SLC25A25: variants seen among roughly 807,000 people sequenced by gnomAD.
SLC25A25 encodes the protein solute carrier family 25 member 25.
In SLC25A25, 32 loss-of-function variants were observed where a neutral mutation model predicts 57.7. That is an observed-to-expected ratio of 0.55 (90% confidence interval 0.42 to 0.74). The LOEUF (loss-of-function observed/expected upper bound fraction) is 0.74. Among genes scored for constraint, SLC25A25 ranks in the 30% least tolerant of loss-of-function variants. SLC25A25 has a pLI of 0.00. For synonymous variants in SLC25A25, 306 were observed against 291.2 expected (o/e 1.05, Z -0.52); for missense variants, 556 against 701.3 (o/e 0.79, Z 2.34).
Position 128,107,703 on chromosome 9 carries a change from A to G in SLC25A25, c.*259A>G, listed in dbSNP as rs1408933125. The G allele has an allele frequency of 7.0e-6, 3 of 429,570 alleles. No individual in the cohort carries two copies. The highest frequency in any genetic ancestry group is 8.8e-5 in the South Asian group (1 of 11,370). 26.6% of individuals were successfully genotyped at this position (429,570 alleles called of 1,614,324 possible). A position where few individuals can be genotyped will look rare whatever the true frequency, so the allele number is the denominator to read the frequency against. On this transcript the variant is annotated 3_prime_UTR_variant, in exon 11 of 11. Coordinates refer to ENST00000373069, the MANE Select transcript of SLC25A25 (RefSeq NM_001330988.2). Reference sequence around the variant, plus strand: ...CAGGGTCAGCAGGCTCCGGGCTCACATGTGTAAGGACAGGACATTTTCTGC... The same window carrying G: ...CAGGGTCAGCAGGCTCCGGGCTCACGTGTGTAAGGACAGGACATTTTCTGC...
intron 1 of SLC25A25, among the ~76,000 whole-genome samples, chr9:128,079,604 A>G (rs1270503564): frequency 1.2e-5 from 1 of 81,106 alleles, no homozygotes; most frequent in Non-Finnish European, 2.3e-5. Context: ...CTAAAAATAC[A>G]AAAAAAAAAA....
intron 1 of SLC25A25, among the ~76,000 whole-genome samples, chr9:128,075,849 GA>G (rs1003409203): frequency 6.6e-6 from 1 of 151,040 alleles, no homozygotes; most frequent in African/African-American, 2.4e-5. Flanking sequence ...GTCTCAAAAA[GA>G]AAAAAAACAA....
rs1222292239 is a variant in SLC25A25, at chr9:128,103,079, C to T, written c.624+598C>T. On this transcript the variant is annotated intron_variant, in intron 5 of 10. Transcript: ENST00000373069. The surrounding 1 kb of genome is among the most constrained non-coding windows in gnomAD (Gnocchi z 6.7). ...GGAGGCCAGAGGCGCTCCTCATCTG[C>T]CTCTCGCAGTGCCAGGCCAGGGCTT... Among the ~76,000 whole-genome samples, 1 of 152,188 alleles carries T rather than the reference C, an allele frequency of 6.6e-6. No homozygotes were observed. The highest frequency in any genetic ancestry group is 2.4e-5 in the African/African-American group (1 of 41,458).
At chr9:128,098,797 C>A (rs1833659979) in intron 1 of SLC25A25, 2 of 1,568,938 alleles carry the variant, frequency 1.3e-6, no homozygotes, top group African/African-American at 2.7e-5. Context: ...GCTGAGCATG[C>A]ATGAACCATC....
chr9:128,099,160 A>G lies in SLC25A25; in HGVS notation c.262-1936A>G. ...CCTCCCGCCTTCTCGACTCTCAGAC[A>G]TCGCTGTGGAACAGGGCCTGTGTCT... On this transcript the variant is annotated intron_variant, in intron 1 of 10. Coordinates refer to ENST00000373069, the MANE Select transcript of SLC25A25 (RefSeq NM_001330988.2). The surrounding 1 kb of genome is among the most constrained non-coding windows in gnomAD (Gnocchi z 6.8). The G allele has an allele frequency of 2.2e-5, 27 of 1,234,720 alleles. No individual in the cohort carries two copies. The highest frequency in any genetic ancestry group is 2.8e-5 in the Non-Finnish European group (27 of 964,040). 76.5% of individuals were successfully genotyped at this position (1,234,720 alleles called of 1,614,324 possible).
Position 128,099,677 on chromosome 9 carries a change from C to T in SLC25A25, c.262-1419C>T, listed in dbSNP as rs1282923814. Among the ~76,000 whole-genome samples the T allele has an allele frequency of 6.6e-6, 1 of 152,232 alleles. No individual in the cohort carries two copies. Among genetic ancestry groups the T allele is most frequent in the African/African-American group, 2.4e-5 (1 of 41,462 alleles). The stretch of plus-strand genomic sequence containing the variant: ...TGTCCTACATTCCAGCCACGCCCCT[C>T]ACATTAGCCTTTTGATCGCGCCAGG... On this transcript the variant is annotated intron_variant, in intron 1 of 10. Coordinates refer to ENST00000373069, the MANE Select transcript of SLC25A25 (RefSeq NM_001330988.2). This position sits in a 1 kb window ranked among gnomAD's most constrained non-coding sequence, Gnocchi z 6.8.
rs1231882048 is a variant in SLC25A25 at position 128,099,778 on chromosome 9, T to A, written c.262-1318T>A. ...AGGAATCACAAGGCGCTGTCAGTAG[T>A]GTGTCTAAGAGAGAGGCGCGGTGGT... is the stretch of plus-strand genomic sequence containing the variant. On this transcript the variant is annotated intron_variant, in intron 1 of 10. Coordinates refer to ENST00000373069, the MANE Select transcript of SLC25A25 (RefSeq NM_001330988.2). This position sits in a 1 kb window ranked among gnomAD's most constrained non-coding sequence, Gnocchi z 6.8. Among the ~76,000 whole-genome samples, 2 of 152,186 alleles carry A rather than the reference T, an allele frequency of 1.3e-5. No individual in the cohort carries two copies. The highest frequency in any genetic ancestry group is 2.9e-5 in the Non-Finnish European group (2 of 68,034).
intron 1 of SLC25A25, among the ~76,000 whole-genome samples, chr9:128,100,044 G>A (rs2130815001): frequency 6.6e-6 from 1 of 152,280 alleles, no homozygotes; most frequent in African/African-American, 2.4e-5. Flanking sequence ...TGTGCAGGGA[G>A]GCGGCTTGGG....
intron 1 of SLC25A25, among the ~76,000 whole-genome samples, chr9:128,073,763 C>A (rs368701541): frequency 9.3e-5 from 14 of 150,596 alleles, no homozygotes; most frequent in Middle Eastern, 3.4e-3. Context: ...GAGACAGAGT[C>A]TTCCTCTGTC....
chr9:128,102,934 G>A lies in SLC25A25; in HGVS notation c.624+453G>A, dbSNP rs1833869775. ...TGCCCTCTCGCCCCCGTCCACTGTG[G>A]TTTCATGTTCAGAAATGTGAGTCTG... On this transcript the variant is annotated intron_variant, in intron 5 of 10. Coordinates refer to ENST00000373069, the MANE Select transcript of SLC25A25 (RefSeq NM_001330988.2). This position sits in a 1 kb window ranked among gnomAD's most constrained non-coding sequence, Gnocchi z 4.1. Among the ~76,000 whole-genome samples, 1 of 152,208 alleles carries A rather than the reference G, an allele frequency of 6.6e-6. No individual in the cohort carries two copies. The highest frequency in any genetic ancestry group is 2.1e-4 in the South Asian group (1 of 4,834).
Position 128,106,212 on chromosome 9 carries a change from G to A in SLC25A25, c.999G>A (p.Gly333=). Residue 333 remains glycine, a synonymous_variant, in exon 8 of 11, where the codon GGG becomes GGA. Transcript: ENST00000373069. ...GGATTCACGAGAGGCTTGTGGCAGG[G>A]TCCTTGGCAGGGGCCATCGCCCAGA... is the stretch of plus-strand genomic sequence containing the variant. The part of the protein sequence containing the change: ...TLRIHERLVA[G]SLAGAIAQSS... 3 of 1,614,194 alleles carry A rather than the reference G, an allele frequency of 1.9e-6. No homozygotes were observed. Among genetic ancestry groups the A allele is most frequent in the Non-Finnish European group, 1.7e-6 (2 of 1,180,026 alleles).
At chr9:128,081,342 T>G (rs1833152073) in intron 1 of SLC25A25, among the ~76,000 whole-genome samples, 1 of 152,222 alleles carries the variant, frequency 6.6e-6, no homozygotes, top group Admixed American at 6.5e-5. Flanking sequence ...GAGATCTGTT[T>G]TCAGAAACTA....
In SLC25A25 at chr9:128,103,707, G is replaced by C; in HGVS notation, c.651G>C (p.Thr217=). The C allele has an allele frequency of 6.2e-7, 1 of 1,614,198 alleles. No individual in the cohort carries two copies. Among genetic ancestry groups the C allele is most frequent in the Non-Finnish European group, 8.5e-7 (1 of 1,180,028 alleles). The change falls in exon 6 of 11, where the codon ACG becomes ACC. Residue 217 remains threonine, a synonymous_variant. Transcript: ENST00000373069. The surrounding 1 kb of genome is among the most constrained non-coding windows in gnomAD (Gnocchi z 6.7). ...STIFDVGENL[T]VPDEFTVEER... is the part of the protein sequence containing the mutation. ...TCTTTGATGTGGGTGAGAATCTAAC[G>C]GTCCCGGATGAGTTCACAGTGGAGG...
rs1834108399 is a variant in SLC25A25, at chr9:128,107,632, A to G, written c.*188A>G. ...GGGCTTGTCCTGCTGACCCCAGCAG[A>G]CCCTCCTGTTGGTTCCAGCGAAGAC... On this transcript the variant is annotated 3_prime_UTR_variant, in exon 11 of 11. Coordinates refer to ENST00000373069, the MANE Select transcript of SLC25A25 (RefSeq NM_001330988.2). 1.7e-6 allele frequency: 1 copy of G among 573,940 alleles called. No individual in the cohort carries two copies. The highest frequency in any genetic ancestry group is 1.9e-5 in the African/African-American group (1 of 53,524). 35.6% of individuals were successfully genotyped at this position (573,940 alleles called of 1,614,324 possible). A position where few individuals can be genotyped will look rare whatever the true frequency, so the allele number is the denominator to read the frequency against.
At chr9:128,091,340 C>T (rs1273691656) in intron 1 of SLC25A25, 2 of 736,492 alleles carry the variant, frequency 2.7e-6, no homozygotes, top group Non-Finnish European at 3.3e-6. Context: ...AATCAGCTGC[C>T]TGTGATTGGA....
intron 1 of SLC25A25, among the ~76,000 whole-genome samples, chr9:128,078,785 G>A (rs1833075439): frequency 6.6e-6 from 1 of 152,194 alleles, no homozygotes; most frequent in African/African-American, 2.4e-5. Flanking sequence ...TGGGTTGCTT[G>A]GAGGCCAAGC....
At chr9:128,077,882 C>T (rs1370307951) in intron 1 of SLC25A25, among the ~76,000 whole-genome samples, 1 of 151,850 alleles carries the variant, frequency 6.6e-6, no homozygotes, top group Non-Finnish European at 1.5e-5. Flanking sequence ...AAAAATTAGC[C>T]GAGCATGGTG....
At chr9:128,073,394 G>A (rs898288401) in intron 1 of SLC25A25, among the ~76,000 whole-genome samples, 2 of 152,148 alleles carry the variant, frequency 1.3e-5, no homozygotes, top group Non-Finnish European at 2.9e-5. Context: ...TCCCTGACCC[G>A]AGCAGTGCAC....
At position 128,091,726 on chromosome 9, in the gene SLC25A25, G is replaced by A; in HGVS notation, c.262-9370G>A. The A allele has an allele frequency of 2.7e-6, 4 of 1,454,700 alleles. No homozygotes were observed. In the Middle Eastern group the frequency reaches 7.7e-4, roughly 281 times the overall value. The allele number at this position is 1,454,700 out of a possible 1,614,324, so 90.1% of individuals were successfully genotyped here. ...CAGTGCTAGCACATTTGAAAAAGCA[G>A]GAAACCGCCCCTGCATGCAGAGCTT... On this transcript the variant is annotated intron_variant, in intron 1 of 10. Transcript: ENST00000373069.
Sources: allele counts gnomAD v4.1 joint callset (sites outside exome capture counted in the v4.1 genomes callset), GRCh38; gene constraint gnomAD v4.1.1; non-coding constraint Gnocchi (gnomAD v3.1); transcripts MANE v1.5; gene names NCBI Gene and HGNC (gene_info 2026-07-23, HGNC 2026-07-21).